The following DNAH11 variants were observed in gnomAD, a reference collection of about 807,000 sequenced individuals.
DNAH11 encodes the protein axonemal beta dynein heavy chain 11.
A neutral mutation model predicts 526.0 loss-of-function variants in DNAH11; 442 were observed. That is an observed-to-expected ratio of 0.84 (90% CI 0.78 to 0.91). DNAH11 has a LOEUF of 0.91. DNAH11 is among the 40% of genes least tolerant of loss of function. The pLI is 0.00. For synonymous variants in DNAH11, 2,461 were observed against 1,935.9 expected (o/e 1.27, Z -7.12); for missense variants, 6,989 against 5,448.7 (o/e 1.28, Z -8.90).
intron 45 of DNAH11, among the ~76,000 whole-genome samples, chr7:21,734,365 A>G (rs1319020212): frequency 6.6e-6 from 1 of 152,240 alleles, no homozygotes; most frequent in Admixed American, 6.5e-5. Flanking sequence ...CCAGCAGACA[A>G]ATTTAAAAGC....
chr7:21,582,138 C>G (rs1222503733), intron 9 of DNAH11, 117 bp downstream of exon 9: 2 of 627,428 alleles, frequency 3.2e-6, no homozygotes, highest in African/African-American at 1.8e-5. Context: ...AGTCATATTC[C>G]CTTCAAATTC....
At chr7:21,648,796 A>G in intron 28 of DNAH11, among the ~76,000 whole-genome samples, 1 of 152,318 alleles carries the variant, frequency 6.6e-6, no homozygotes, top group South Asian at 2.1e-4. Context: ...AAAATAAAAT[A>G]TTTTACTTGA....
chr7:21,614,464 A>G (rs1247612597), intron 20 of DNAH11, among the ~76,000 whole-genome samples: 1 of 152,232 alleles, frequency 6.6e-6, no homozygotes, highest in Non-Finnish European at 1.5e-5. Context: ...GCATAGTACC[A>G]TTTTGTTAAT....
At chr7:21,683,572 C>T (rs137894626) in intron 31 of DNAH11, among the ~76,000 whole-genome samples, 43 of 152,250 alleles carry the variant, frequency 2.8e-4, no homozygotes, top group African/African-American at 9.6e-4. Flanking sequence ...TATTGTTTTA[C>T]ATAAAAGCCA....
At chr7:21,648,023 A>G (rs1056286820) in intron 28 of DNAH11, among the ~76,000 whole-genome samples, 6 of 152,216 alleles carry the variant, frequency 3.9e-5, no homozygotes, top group Non-Finnish European at 8.8e-5. Flanking sequence ...AGCATTAGCC[A>G]ATCATTAGAA....
In DNAH11 at chr7:21,821,977, T is replaced by C. The variant is rs190600791; in HGVS notation, c.10691+3638T>C. 1.8e-4 allele frequency among the ~76,000 whole-genome samples: 27 copies of C among 152,082 alleles called. 1 individual carries two copies. The East Asian group carries it at 5.0e-3, about 28-fold the overall frequency. ...AATGCCATATTTTTCTTTCTGTGCCTGACTTATTTCATTTAACATAATACC... is the reference window on the plus strand; with the variant it reads ...AATGCCATATTTTTCTTTCTGTGCCCGACTTATTTCATTTAACATAATACC... On this transcript the variant is annotated intron_variant, in intron 65 of 81. Transcript: ENST00000409508.
intron 69 of DNAH11, among the ~76,000 whole-genome samples, chr7:21,862,605 C>T (rs543396052): frequency 1.2e-4 from 18 of 152,130 alleles, no homozygotes; most frequent in African/African-American, 3.9e-4. Context: ...AAACATGTAT[C>T]GAAGCATCAC....
At chr7:21,548,387 G>C (rs1782885519) in intron 2 of DNAH11, among the ~76,000 whole-genome samples, 1 of 152,170 alleles carries the variant, frequency 6.6e-6, no homozygotes, top group Non-Finnish European at 1.5e-5. Context: ...TTTAATCCAT[G>C]TTTGTATTAA....
rs755391243 is a variant in DNAH11 at position 21,616,277 on chromosome 7, CAGA to C, written c.4083_4085del (p.Arg1362del). The stretch of plus-strand genomic sequence containing the variant: ...ATGTGGAACAGATGGATGTAGAACT[CAGA>C]AGGTTTGCCAAGGCGAGTTCCATAA... On this transcript the variant is annotated inframe_deletion, in exon 22 of 82. Coordinates refer to ENST00000409508, the MANE Select transcript of DNAH11 (RefSeq NM_001277115.2). The C allele has an allele frequency of 2.2e-5, 35 of 1,611,652 alleles. No individual in the cohort carries two copies. Among genetic ancestry groups the C allele is most frequent in the South Asian group, 9.9e-5 (9 of 90,640 alleles).
Position 21,894,974 on chromosome 7 carries a change from C to G in DNAH11, c.13024C>G (p.Pro4342Ala). Residue 4342 changes from proline to alanine, a missense_variant, in exon 79 of 82, where the codon CCT becomes GCT. Coordinates refer to ENST00000409508, the MANE Select transcript of DNAH11 (RefSeq NM_001277115.2). ...VPDTWSKLAY[P>A]STYGLAQWFN... The stretch of plus-strand genomic sequence containing the variant: ...AGACACTTGGAGCAAACTGGCTTAT[C>G]CTTCTACTTATGGCCTAGCCCAGTG... 1 of 1,613,974 alleles carries G rather than the reference C, an allele frequency of 6.2e-7. No individual in the cohort carries two copies. The highest frequency in any genetic ancestry group is 8.5e-7 in the Non-Finnish European group (1 of 1,179,884).
rs151001024 is a variant in DNAH11, at chr7:21,627,579, A to G, written c.4500+7501A>G. 3.2e-4 allele frequency among the ~76,000 whole-genome samples: 49 copies of G among 152,106 alleles called. No homozygotes were observed. In the East Asian group the frequency reaches 9.5e-3, roughly 29 times the overall value. Reference sequence around the variant, plus strand: ...TTCTTGGCACCTTAGTTGAAAATTAATTGGCTGTAAATGTATGGGTTTATA... The same window carrying G: ...TTCTTGGCACCTTAGTTGAAAATTAGTTGGCTGTAAATGTATGGGTTTATA... On this transcript the variant is annotated intron_variant, in intron 25 of 81. Transcript: ENST00000409508.
intron 30 of DNAH11, among the ~76,000 whole-genome samples, chr7:21,674,680 G>C (rs13232198): frequency 6.6e-6 from 1 of 151,592 alleles, no homozygotes; most frequent in African/African-American, 2.4e-5. Context: ...ATCCCTGACT[G>C]ATTTCATCCA....
Position 21,725,912 on chromosome 7 carries a change from C to G in DNAH11, c.7368C>G (p.His2456Gln), listed in dbSNP as rs957510588. Residue 2456 changes from histidine to glutamine, a missense_variant, in exon 45 of 82, where the codon CAC becomes CAG. By Grantham distance (24) the His-to-Gln change is conservative. Transcript: ENST00000409508. ...CAATCTTTGATTATTATGTGGACCA[C>G]AAAACTAAGAAATTATTGCCCTGGG... is the stretch of plus-strand genomic sequence containing the variant. ...QGTIFDYYVD[H>Q]KTKKLLPWAD... 1.3e-6 allele frequency: 2 copies of G among 1,586,180 alleles called. No individual in the cohort carries two copies. The highest frequency in any genetic ancestry group is 1.7e-6 in the Non-Finnish European group (2 of 1,165,178).
At chr7:21,676,412 A>C (rs1290987019) in intron 30 of DNAH11, among the ~76,000 whole-genome samples, 13 of 152,208 alleles carry the variant, frequency 8.5e-5, no homozygotes. Context: ...ATACAAGTAC[A>C]GTACTGACCA....
At chr7:21,548,826 G>A (rs1259888335) in intron 2 of DNAH11, among the ~76,000 whole-genome samples, 1 of 152,146 alleles carries the variant, frequency 6.6e-6, no homozygotes, top group Non-Finnish European at 1.5e-5. Context: ...TCCCTATGGA[G>A]AATGAGGGAA....
chr7:21,786,647 C>T lies in DNAH11; in HGVS notation c.9621C>T (p.Ala3207=). ...AGGTCAACCTCAGTGAGCTGAAAGC[C>T]TTTCCCAACCCTCCCATCGCAGTTA... ...LNRVNLSELK[A]FPNPPIAVTN... The change falls in exon 59 of 82, where the codon GCC becomes GCT. Residue 3207 remains alanine (A), a synonymous_variant. Coordinates refer to ENST00000409508, the MANE Select transcript of DNAH11 (RefSeq NM_001277115.2). 1.9e-6 allele frequency: 3 copies of T among 1,613,302 alleles called. No individual in the cohort carries two copies. Among genetic ancestry groups the T allele is most frequent in the Non-Finnish European group, 1.7e-6 (2 of 1,179,422 alleles).
intron 8 of DNAH11, among the ~76,000 whole-genome samples, chr7:21,576,306 G>A (rs755068551): frequency 3.3e-5 from 5 of 152,170 alleles, no homozygotes; most frequent in African/African-American, 4.8e-5. Flanking sequence ...CAGCAAGCAC[G>A]GCGGCCACAA....
intron 47 of DNAH11, 64 bp downstream of exon 47, chr7:21,738,930 T>A (rs1785744966): frequency 1.5e-6 from 2 of 1,294,624 alleles, no homozygotes; most frequent in African/African-American, 1.5e-5. Flanking sequence ...TAATAATTAC[T>A]ATGGATGAAT....
At chr7:21,667,645 G>A (rs1246579944) in intron 30 of DNAH11, among the ~76,000 whole-genome samples, 1 of 152,126 alleles carries the variant, frequency 6.6e-6, no homozygotes, top group African/African-American at 2.4e-5. Context: ...CCATTAACAT[G>A]AGAGTTGGTT....
Sources: gnomAD v4.1 joint callset for allele counts (sites outside exome capture counted in the v4.1 genomes callset) on GRCh38, gnomAD v4.1.1 for gene constraint, MANE v1.5 for transcripts, NCBI Gene and HGNC (gene_info 2026-07-23, HGNC 2026-07-21) for gene names.